UBE2QL1: variants seen among roughly 807,000 people sequenced by gnomAD.
UBE2QL1 encodes ubiquitin conjugating enzyme E2 QL1, also known as ubiquitin-conjugating enzyme E2Q-like protein 1.
Under a neutral mutation model 12.6 loss-of-function variants are expected in UBE2QL1, and 5 were observed. The observed-to-expected ratio is 0.40, with a 90% confidence interval of 0.21 to 0.83. The LOEUF is 0.83. UBE2QL1 is among the 40% of genes least tolerant of loss of function. The pLI, the probability that UBE2QL1 is intolerant of heterozygous loss-of-function variation, is 0.37. For missense variants in UBE2QL1, 99 were observed against 222.6 expected, an observed-to-expected ratio of 0.44 and a Z score of 3.53; for synonymous variants, 96 against 94.5, an observed-to-expected ratio of 1.02 and a Z score of -0.10.
chr5:6,455,294 G>T (rs959116660), intron 1 of UBE2QL1, among the ~76,000 whole-genome samples: 1 of 152,042 alleles, frequency 6.6e-6, no homozygotes, highest in African/African-American at 2.4e-5. Flanking sequence ...GAAGAGACTC[G>T]TCCACACCCA....
chr5:6,456,658 C>G (rs1399631290), intron 1 of UBE2QL1, among the ~76,000 whole-genome samples: 1 of 152,204 alleles, frequency 6.6e-6, no homozygotes, highest in Non-Finnish European at 1.5e-5. Flanking sequence ...CATGACGACC[C>G]TTCCCCATTC....
At chr5:6,477,217 A>G (rs968369642) in intron 1 of UBE2QL1, among the ~76,000 whole-genome samples, 2 of 152,064 alleles carry the variant, frequency 1.3e-5, no homozygotes, top group African/African-American at 4.8e-5. Context: ...TCACAAACTG[A>G]CCTTTGGCCT....
At chr5:6,486,478 G>A (rs1476705635) in intron 1 of UBE2QL1, among the ~76,000 whole-genome samples, 1 of 152,092 alleles carries the variant, frequency 6.6e-6, no homozygotes, top group Non-Finnish European at 1.5e-5. Flanking sequence ...TATGTCTCAA[G>A]GCTTAGCTTA....
chr5:6,459,021 C>A (rs1000064487), intron 1 of UBE2QL1, among the ~76,000 whole-genome samples: 5 of 152,026 alleles, frequency 3.3e-5, no homozygotes, highest in African/African-American at 9.7e-5. Context: ...AAGCCAGGGG[C>A]CTTGTCCACA....
intron 1 of UBE2QL1, among the ~76,000 whole-genome samples, chr5:6,460,138 C>A (rs1560928899): frequency 6.6e-6 from 1 of 152,130 alleles, no homozygotes; most frequent in African/African-American, 2.4e-5. Context: ...CAGGCAGAGG[C>A]AAGGCTCCAG....
intron 1 of UBE2QL1, among the ~76,000 whole-genome samples, chr5:6,483,023 GA>G (rs1183663460): frequency 8.5e-5 from 13 of 152,200 alleles, no homozygotes; most frequent in Non-Finnish European, 5.9e-5. Context: ...TCCCTGCTGC[GA>G]GTCCAACACA....
At chr5:6,482,633 G>A (rs1734384939) in intron 1 of UBE2QL1, among the ~76,000 whole-genome samples, 1 of 151,956 alleles carries the variant, frequency 6.6e-6, no homozygotes. Context: ...CCCCTAGGGA[G>A]TGCTTGGCAA....
At chr5:6,470,222 G>A (rs1338440454) in intron 1 of UBE2QL1, among the ~76,000 whole-genome samples, 1 of 152,204 alleles carries the variant, frequency 6.6e-6, no homozygotes, top group Non-Finnish European at 1.5e-5. Flanking sequence ...GGTGATCCAT[G>A]TGTGTCCAGG....
At position 6,491,344 on chromosome 5, in the gene UBE2QL1, G is replaced by A. The variant is rs982730698; in HGVS notation, c.481G>A (p.Gly161Ser). 1.9e-6 allele frequency: 3 copies of A among 1,549,870 alleles called. No individual in the cohort carries two copies. Among genetic ancestry groups the A allele is most frequent in the Non-Finnish European group, 2.6e-6 (3 of 1,146,250 alleles). The stretch of plus-strand genomic sequence containing the variant: ...TTGGGTCACCCCGCCCGTGTCCGAC[G>A]GCTGATGTCTGCCACGTGCAGTAGA... ...YGWVTPPVSD[G>S] Residue 161 changes from glycine (G) to serine (S), a missense_variant, in exon 2 of 2, where the codon GGC (glycine) becomes AGC (serine). Transcript: ENST00000399816.
intron 1 of UBE2QL1, among the ~76,000 whole-genome samples, chr5:6,453,077 C>T (rs570287237): frequency 1.3e-5 from 2 of 152,298 alleles, no homozygotes; most frequent in South Asian, 4.2e-4. Flanking sequence ...ATAACTGCAG[C>T]AGCAGCAGCA....
Position 6,491,411 on chromosome 5 carries a change from C to T in UBE2QL1, c.*62C>T. 1.4e-6 allele frequency: 2 copies of T among 1,473,038 alleles called. No individual in the cohort carries two copies. The highest frequency in any genetic ancestry group is 1.8e-6 in the Non-Finnish European group (2 of 1,111,282). The allele number at this position is 1,473,038 out of a possible 1,614,324, so 91.2% of individuals were successfully genotyped here. On this transcript the variant is annotated 3_prime_UTR_variant, in exon 2 of 2. Transcript: ENST00000399816. Reference sequence around the variant, plus strand: ...CACACACACACCAGTACCCTGACATCTCCTCAATGCTGTGCATCCTCCACC... The same window carrying T: ...CACACACACACCAGTACCCTGACATTTCCTCAATGCTGTGCATCCTCCACC...
At chr5:6,490,427 C>T (rs1579304584) in intron 1 of UBE2QL1, among the ~76,000 whole-genome samples, 1 of 152,218 alleles carries the variant, frequency 6.6e-6, no homozygotes, top group East Asian at 1.9e-4. Flanking sequence ...TCCCTTTTGA[C>T]CACTGCAGAG....
intron 1 of UBE2QL1, among the ~76,000 whole-genome samples, chr5:6,485,726 T>C (rs1261863475): frequency 6.6e-6 from 1 of 152,126 alleles, no homozygotes; most frequent in Non-Finnish European, 1.5e-5. Context: ...TTAACTATTT[T>C]TAGAGGGCAA....
At chr5:6,454,818 T>G (rs1739485087) in intron 1 of UBE2QL1, among the ~76,000 whole-genome samples, 1 of 152,164 alleles carries the variant, frequency 6.6e-6, no homozygotes, top group Non-Finnish European at 1.5e-5. Flanking sequence ...CTGTGTTGTG[T>G]CCTGCACTGT....
At position 6,495,383 on chromosome 5, in the gene UBE2QL1, T is replaced by C. The variant is rs369683419; in HGVS notation, c.*4034T>C. 3.7e-4 allele frequency among the ~76,000 whole-genome samples: 57 copies of C among 152,268 alleles called. No homozygotes were observed. The South Asian group carries it at 0.012, about 32-fold the overall frequency. On this transcript the variant is annotated 3_prime_UTR_variant, in exon 2 of 2. Coordinates refer to ENST00000399816, the MANE Select transcript of UBE2QL1 (RefSeq NM_001145161.3). ...GCTTACTTCCTGACTGTAGTGAGGG[T>C]AGAGCCACTGAATCTGGAAGACCAC...
intron 1 of UBE2QL1, among the ~76,000 whole-genome samples, chr5:6,474,136 T>G (rs1734162960): frequency 6.6e-6 from 1 of 152,214 alleles, no homozygotes; most frequent in Non-Finnish European, 1.5e-5. Flanking sequence ...AGAATTTGAG[T>G]GCTGGCAGAA....
In UBE2QL1 at chr5:6,476,790, TA is replaced by T. The variant is rs1485980160; in HGVS notation, c.355-14423del. 6.6e-6 allele frequency among the ~76,000 whole-genome samples: 1 copy of T among 152,160 alleles called. No individual in the cohort carries two copies. The highest frequency in any genetic ancestry group is 1.5e-5 in the Non-Finnish European group (1 of 68,034). The stretch of plus-strand genomic sequence containing the variant: ...CACAGGAAAATGTAGTTGAGATTTG[TA>T]AAAACAAACGGCGTTGTCTTCACTG... On this transcript the variant is annotated intron_variant, in intron 1 of 1. Coordinates refer to ENST00000399816, the MANE Select transcript of UBE2QL1 (RefSeq NM_001145161.3). This position sits in a 1 kb window ranked among gnomAD's most constrained non-coding sequence, Gnocchi z 4.9.
In UBE2QL1 at chr5:6,491,438, G is replaced by A. The variant is rs1017961321; in HGVS notation, c.*89G>A. The A allele has an allele frequency of 4.2e-5, 60 of 1,424,114 alleles. 1 individual carries two copies. The highest frequency in any genetic ancestry group is 2.4e-4 in the South Asian group (15 of 62,002). The allele number at this position is 1,424,114 out of a possible 1,614,324, so 88.2% of individuals were successfully genotyped here. ...CCTCAATGCTGTGCATCCTCCACCCGTTTTTACTCCAGCCAGAACTGCATC... is the reference window on the plus strand; with the variant it reads ...CCTCAATGCTGTGCATCCTCCACCCATTTTTACTCCAGCCAGAACTGCATC... On this transcript the variant is annotated 3_prime_UTR_variant, in exon 2 of 2. Coordinates refer to ENST00000399816, the MANE Select transcript of UBE2QL1 (RefSeq NM_001145161.3).
chr5:6,483,920 G>A (rs1452521696), intron 1 of UBE2QL1, among the ~76,000 whole-genome samples: 1 of 152,174 alleles, frequency 6.6e-6, no homozygotes, highest in Non-Finnish European at 1.5e-5. Context: ...CACTTCTCTG[G>A]TCGCCTGTAT....
Sources: allele counts gnomAD v4.1 joint callset (sites outside exome capture counted in the v4.1 genomes callset), GRCh38; gene constraint gnomAD v4.1.1; non-coding constraint Gnocchi (gnomAD v3.1); transcripts MANE v1.5; gene names NCBI Gene and HGNC (gene_info 2026-07-23, HGNC 2026-07-21).